Variants in HOXB5 observed in about 807,000 individuals in gnomAD.
HOXB5 encodes the protein homeobox B5, also known as homeobox protein Hox-B5.
HOXB5 carries 10 observed loss-of-function variants against 19.6 expected under a neutral mutation model. The observed-to-expected ratio is 0.51, with a 90% confidence interval of 0.32 to 0.87. The LOEUF (loss-of-function observed/expected upper bound fraction) is 0.87. Ranked by LOEUF, HOXB5 falls within the 40% of genes least tolerant of loss-of-function variation. The pLI is 0.04. For missense variants in HOXB5, 353 were observed against 369.6 expected (o/e 0.96, Z 0.37); for synonymous variants, 167 against 156.9 (o/e 1.06, Z -0.48).
Position 48,593,157 on chromosome 17 carries a change from T to C in HOXB5, c.526A>G (p.Ile176Val). 1 of 1,566,460 alleles carries C rather than the reference T, an allele frequency of 6.4e-7. No individual in the cohort carries two copies. The highest frequency in any genetic ancestry group is 8.7e-7 in the Non-Finnish European group (1 of 1,152,840). Reference protein sequence around the residue: ...TAAPEGQTPQIFPWMRKLHIS... With the variant: ...TAAPEGQTPQVFPWMRKLHIS... Reference sequence around the variant, plus strand: ...TGAAGCTTCCTCATCCAGGGGAATATTTGCGGAGTCTGCCCCTCGGGCGCG... The same window carrying C: ...TGAAGCTTCCTCATCCAGGGGAATACTTGCGGAGTCTGCCCCTCGGGCGCG... The change falls in exon 1 of 2, where the codon ATA becomes GTA. Residue 176 changes from isoleucine to valine, a missense_variant. Ile to Val is a conservative substitution (Grantham distance 29, BLOSUM62 3). Transcript: ENST00000239151.
chr17:48,593,074 A>ACC, intron 1 of HOXB5, 47 bp downstream of exon 1: 1 of 1,103,608 alleles, frequency 9.1e-7, no homozygotes, highest in Non-Finnish European at 1.3e-6. Context: ...CCACCCCAAA[A>ACC]CGCAGAGAAG....
Position 48,593,564 on chromosome 17 carries a change from A to G in HOXB5, c.119T>C (p.Met40Thr). ...LSGSYRDPAA[M>T]HTGSYGYNYN... Reference sequence around the variant, plus strand: ...ATTGTAGCCGTAAGAGCCGGTGTGCATGGCAGCGGGATCCCTGTAAGAGCC... The same window carrying G: ...ATTGTAGCCGTAAGAGCCGGTGTGCGTGGCAGCGGGATCCCTGTAAGAGCC... The change falls in exon 1 of 2, where the codon ATG (methionine) becomes ACG (threonine). Residue 40 changes from methionine (M) to threonine (T), a missense_variant. Physicochemically the swap from Met to Thr is moderately conservative, Grantham distance 81. Coordinates refer to ENST00000239151, the MANE Select transcript of HOXB5 (RefSeq NM_002147.4). 2 of 1,613,182 alleles carry G rather than the reference A, an allele frequency of 1.2e-6. No individual in the cohort carries two copies. The highest frequency in any genetic ancestry group is 1.7e-5 in the Admixed American group (1 of 60,022).
In HOXB5 at chr17:48,593,611, A is replaced by G. The variant is rs764319616; in HGVS notation, c.72T>C (p.Tyr24=). ...PNGPDYQLLN[Y]GSGSSLSGSY... ...AGCCGCTCAGAGAGCTGCCACTGCCATAATTTAGCAACTGATAGTCCGGGC... is the reference window on the plus strand; with the variant it reads ...AGCCGCTCAGAGAGCTGCCACTGCCGTAATTTAGCAACTGATAGTCCGGGC... The change falls in exon 1 of 2, where the codon TAT becomes TAC. Residue 24 remains tyrosine, a synonymous_variant. Transcript: ENST00000239151. 2.5e-6 allele frequency: 4 copies of G among 1,613,174 alleles called. No homozygotes were observed. The highest frequency in any genetic ancestry group is 2.2e-5 in the South Asian group (2 of 91,090).
At position 48,591,971 on chromosome 17, in the gene HOXB5, T is replaced by C. The variant is rs1251256291; in HGVS notation, c.*238A>G. 2.3e-5 allele frequency: 6 copies of C among 263,730 alleles called. No individual in the cohort carries two copies. The highest frequency in any genetic ancestry group is 3.4e-5 in the Non-Finnish European group (5 of 145,602). The allele number at this position is 263,730 out of a possible 1,614,324, so 16.3% of individuals were successfully genotyped here. On this transcript the variant is annotated 3_prime_UTR_variant, in exon 2 of 2. Coordinates refer to ENST00000239151, the MANE Select transcript of HOXB5 (RefSeq NM_002147.4). ...CGGATTTGGGACAAGCAGAAGGGAG[T>C]TGGGAGCATGGAAGGAAAATAATAA...
chr17:48,592,585 C>T (rs1195053111), intron 1 of HOXB5, 129 bp from the exon 2 acceptor site: 6 of 938,148 alleles, frequency 6.4e-6, no homozygotes, highest in South Asian at 1.7e-5. Context: ...CCAATCCTCT[C>T]TACTCCAGAT....
At position 48,592,395 on chromosome 17, in the gene HOXB5, C is replaced by T. The variant is rs1457897093; in HGVS notation, c.624G>A (p.Glu208=). The T allele has an allele frequency of 1.1e-5, 17 of 1,614,180 alleles. No homozygotes were observed. The highest frequency in any genetic ancestry group is 1.4e-5 in the Non-Finnish European group (16 of 1,180,034). The change falls in exon 2 of 2, where the codon GAG becomes GAA. Residue 208 remains glutamate (E), a synonymous_variant. Transcript: ENST00000239151. ...RTAYTRYQTL[E]LEKEFHFNRY... is the part of the protein sequence containing the mutation. Reference sequence around the variant, plus strand: ...GGTTGAAGTGGAACTCCTTTTCCAGCTCCAGGGTCTGGTAGCGGGTATACG... The same window carrying T: ...GGTTGAAGTGGAACTCCTTTTCCAGTTCCAGGGTCTGGTAGCGGGTATACG...
In HOXB5 at chr17:48,593,334, G is replaced by A; in HGVS notation, c.349C>T (p.Pro117Ser). The A allele has an allele frequency of 1.9e-6, 3 of 1,608,294 alleles. No individual in the cohort carries two copies. The highest frequency in any genetic ancestry group is 2.6e-6 in the Non-Finnish European group (3 of 1,175,766). ...CTGGCTGAGGTCGCCTGGTCGGAGGGGGACGAAGCAGAGGGCTTGGCGCCG... is the reference window on the plus strand; with the variant it reads ...CTGGCTGAGGTCGCCTGGTCGGAGGAGGACGAAGCAGAGGGCTTGGCGCCG... ...SHGAKPSASS[P>S]SDQATSASSS... Residue 117 changes from proline to serine, a missense_variant, in exon 1 of 2, where the codon CCC becomes TCC. Coordinates refer to ENST00000239151, the MANE Select transcript of HOXB5 (RefSeq NM_002147.4).
Position 48,593,121 on chromosome 17 carries a change from C to A in HOXB5, c.562G>T (p.Asp188Tyr). ...AGACAAAAAAGAGAGAGAGAATTAC[C>A]ATGGCTGATGTGAAGCTTCCTCATC... Reference protein sequence around the residue: ...PWMRKLHISHDMTGPDGKRAR... With the variant: ...PWMRKLHISHYMTGPDGKRAR... Residue 188 changes from aspartate to tyrosine, a missense_variant and splice_region_variant, in exon 1 of 2, where the codon GAT (aspartate) becomes TAT (tyrosine). Physicochemically the swap from Asp to Tyr is radical, Grantham distance 160. Coordinates refer to ENST00000239151, the MANE Select transcript of HOXB5 (RefSeq NM_002147.4). The A allele has an allele frequency of 7.2e-7, 1 of 1,398,508 alleles. No homozygotes were observed. The highest frequency in any genetic ancestry group is 1.3e-5 in the South Asian group (1 of 77,700). 86.6% of individuals were successfully genotyped at this position (1,398,508 alleles called of 1,614,324 possible). A position where few individuals can be genotyped will look rare whatever the true frequency, so the allele number is the denominator to read the frequency against.
intron 1 of HOXB5, 24 bp from the exon 2 acceptor site, chr17:48,592,480 C>T (rs1567969457): frequency 7.7e-6 from 10 of 1,306,190 alleles, no homozygotes; most frequent in Non-Finnish European, 8.2e-6. Flanking sequence ...AGGAAAGCCG[C>T]AAGGCAACAT....
At position 48,591,884 on chromosome 17, in the gene HOXB5, CTT is replaced by C. The variant is rs760997098; in HGVS notation, c.*323_*324del. 1.0e-3 allele frequency: 156 copies of C among 156,150 alleles called. No individual in the cohort carries two copies. Among genetic ancestry groups the C allele is most frequent in the East Asian group, 1.7e-3 (10 of 5,722 alleles). 9.7% of individuals were successfully genotyped at this position (156,150 alleles called of 1,614,324 possible). On this transcript the variant is annotated 3_prime_UTR_variant, in exon 2 of 2. Coordinates refer to ENST00000239151, the MANE Select transcript of HOXB5 (RefSeq NM_002147.4). ...GAGTTCACATTAAACATGCGAATTT[CTT>C]TTTTTTTTTTTCCTGGGGGAAAGAC... is the stretch of plus-strand genomic sequence containing the variant.
Position 48,593,749 on chromosome 17 carries a change from G to T in HOXB5, c.-67C>A. On this transcript the variant is annotated 5_prime_UTR_variant, in exon 1 of 2. Transcript: ENST00000239151. The stretch of plus-strand genomic sequence containing the variant: ...TATAACCCTGTGCTTCACGATTTAT[G>T]ATGTATTAATGAATTATAGCGATGC... 2.3e-6 allele frequency: 3 copies of T among 1,306,034 alleles called. No individual in the cohort carries two copies. The highest frequency in any genetic ancestry group is 2.6e-5 in the South Asian group (2 of 76,120). 80.9% of individuals were successfully genotyped at this position (1,306,034 alleles called of 1,614,324 possible).
chr17:48,593,064 C>CCCCCCCAAA, intron 1 of HOXB5, 57 bp downstream of exon 1: 2 of 725,168 alleles, frequency 2.8e-6, no homozygotes, highest in Non-Finnish European at 4.4e-6. Context: ...CCCCCCGATC[C>CCCCCCCAAA]CACCCCAAAA....
intron 1 of HOXB5, 84 bp downstream of exon 1, chr17:48,593,037 A>T: frequency 4.8e-6 from 5 of 1,033,594 alleles, no homozygotes; most frequent in East Asian, 5.0e-5. Flanking sequence ...TTTAGGGTAA[A>T]GCCAAGCTCT....
intron 1 of HOXB5, 68 bp downstream of exon 1, chr17:48,593,053 T>TGGCC: frequency 1.6e-6 from 1 of 621,652 alleles, no homozygotes; most frequent in Non-Finnish European, 2.9e-6. Flanking sequence ...GCTCTCCTTG[T>TGGCC]CCCCCCGATC....
At chr17:48,592,526 G>A in intron 1 of HOXB5, 70 bp from the exon 2 acceptor site, 1 of 1,325,744 alleles carries the variant, frequency 7.5e-7, no homozygotes. Flanking sequence ...GGGTGGGAGG[G>A]GGCGGGGGAG....
At chr17:48,593,053 T>TGGCCCCCCCCCCCC in intron 1 of HOXB5, 68 bp downstream of exon 1, 1 of 621,654 alleles carries the variant, frequency 1.6e-6, no homozygotes, top group Non-Finnish European at 2.9e-6. Flanking sequence ...GCTCTCCTTG[T>TGGCCCCCCCCCCCC]CCCCCCGATC....
rs376122954 is a variant in HOXB5, at chr17:48,593,212, C to T, written c.471G>A (p.Ala157=). The change falls in exon 1 of 2, where the codon GCG becomes GCA. Residue 157 remains alanine (A), a synonymous_variant. Transcript: ENST00000239151. The part of the protein sequence containing the change: ...SQLSSPSLAR[A]QPEPMATSTA... The stretch of plus-strand genomic sequence containing the variant: ...TGGAGGTGGCCATGGGCTCTGGCTG[C>T]GCCCGAGCTAGGCTGGGGCTGCTTA... 6.2e-7 allele frequency: 1 copy of T among 1,612,272 alleles called. No homozygotes were observed. Among genetic ancestry groups the T allele is most frequent in the Non-Finnish European group, 8.5e-7 (1 of 1,178,654 alleles).
Position 48,592,237 on chromosome 17 carries a change from G to A in HOXB5, c.782C>T (p.Ala261Val), listed in dbSNP as rs2070169710. 2 of 1,613,844 alleles carry A rather than the reference G, an allele frequency of 1.2e-6. No individual in the cohort carries two copies. Among genetic ancestry groups the A allele is most frequent in the Non-Finnish European group, 1.7e-6 (2 of 1,180,006 alleles). Residue 261 changes from alanine to valine, a missense_variant, in exon 2 of 2, where the codon GCT becomes GTT. Transcript: ENST00000239151. The stretch of plus-strand genomic sequence containing the variant: ...GGGCTGGAAGGCGCTGCCAGCTGTA[G>A]CCAGGCTCATACTTTTCAATTTGTT... ...KDNKLKSMSL[A>V]TAGSAFQP is the part of the protein sequence containing the mutation.
In HOXB5 at chr17:48,593,511, G is replaced by C. The variant is rs370720066; in HGVS notation, c.172C>G (p.Arg58Gly). Residue 58 changes from arginine (R) to glycine (G), a missense_variant, in exon 1 of 2, where the codon CGC becomes GGC. Arg to Gly is a moderately radical substitution (Grantham distance 125). Transcript: ENST00000239151. ...AAGTGGCTGGAGGAGGCCGAGGAGC[G>C]GTTGACGCTGAGGTCCATCCCATTG... ...NYNGMDLSVN[R>G]SSASSSHFGA... is the part of the protein sequence containing the mutation. 70 of 1,613,188 alleles carry C rather than the reference G, an allele frequency of 4.3e-5. No individual in the cohort carries two copies. The highest frequency in any genetic ancestry group is 5.8e-5 in the Non-Finnish European group (69 of 1,179,944).
Sources: allele counts gnomAD v4.1 joint callset, GRCh38; gene constraint gnomAD v4.1.1; transcripts MANE v1.5; gene names NCBI Gene and HGNC (gene_info 2026-07-23, HGNC 2026-07-21).